The following NDRG1 variants were observed in gnomAD, a reference collection of about 807,000 sequenced individuals.
NDRG1 encodes N-myc downstream regulated 1.
In NDRG1, 32 loss-of-function variants were observed where a neutral mutation model predicts 56.9. The observed-to-expected ratio is 0.56, with a 90% CI of 0.42 to 0.76. The LOEUF is 0.76. Among genes scored for constraint, NDRG1 ranks in the 30% least tolerant of loss-of-function variants. The pLI is 0.00. For missense variants in NDRG1, 507 were observed against 545.7 expected, an observed-to-expected ratio of 0.93 and a Z score of 0.71; for synonymous variants, 211 against 204.1, an observed-to-expected ratio of 1.03 and a Z score of -0.29.
At chr8:133,240,441 T>C (rs909597701) in intron 15 of NDRG1, 2 of 152,202 alleles carry the variant, frequency 1.3e-5, no homozygotes, top group Admixed American at 6.5e-5. Context: ...TCAGAAAGAA[T>C]TGGGGTCAAT....
chr8:133,254,445 T>C (rs1856254972), intron 9 of NDRG1, 94 bp downstream of exon 9: 1 of 1,353,214 alleles, frequency 7.4e-7, no homozygotes, highest in Non-Finnish European at 1.0e-6. Flanking sequence ...TGATTGTGTC[T>C]TGTTCTCTCC....
chr8:133,270,537 T>A (rs1182672216), intron 3 of NDRG1, among the ~76,000 whole-genome samples: 1 of 151,622 alleles, frequency 6.6e-6, no homozygotes, highest in Non-Finnish European at 1.5e-5. Flanking sequence ...TCAAGGAGAG[T>A]TTTTTAAAAA....
intron 7 of NDRG1, among the ~76,000 whole-genome samples, chr8:133,257,787 CT>C (rs902814001): frequency 2.0e-5 from 3 of 152,022 alleles, no homozygotes; most frequent in African/African-American, 7.2e-5. Flanking sequence ...GCATTCCTTT[CT>C]TTTTTTTGTA....
At chr8:133,263,930 A>G (rs887021762) in intron 4 of NDRG1, among the ~76,000 whole-genome samples, 7 of 151,156 alleles carry the variant, frequency 4.6e-5, no homozygotes, top group Non-Finnish European at 1.0e-4. Context: ...AAAAAAAAAA[A>G]AAGAAAGAAA....
intron 3 of NDRG1, among the ~76,000 whole-genome samples, chr8:133,271,466 T>C (rs1278796581): frequency 6.6e-6 from 1 of 152,140 alleles, no homozygotes; most frequent in Non-Finnish European, 1.5e-5. Context: ...GTTCATCGCC[T>C]ATGCCCATGG....
chr8:133,282,596 C>A (rs554303813), intron 2 of NDRG1, among the ~76,000 whole-genome samples: 3 of 152,294 alleles, frequency 2.0e-5, no homozygotes, highest in Admixed American at 6.5e-5. Context: ...ATGTCACAGA[C>A]CCAGAGTTTA....
At chr8:133,254,813 C>T (rs1856281763) in intron 8 of NDRG1, 2 of 587,288 alleles carry the variant, frequency 3.4e-6, no homozygotes, top group Non-Finnish European at 6.2e-6. Flanking sequence ...TATCCAGTTC[C>T]TTATTTTCAG....
At position 133,246,645 on chromosome 8, in the gene NDRG1, A is replaced by G. The variant is rs2130685069; in HGVS notation, c.826T>C (p.Leu276=). 6.2e-7 allele frequency: 1 copy of G among 1,614,162 alleles called. No homozygotes were observed. The highest frequency in any genetic ancestry group is 1.7e-5 in the Admixed American group (1 of 60,026). The part of the protein sequence containing the change: ...VDAVVECNSK[L]DPTKTTLLKM... The stretch of plus-strand genomic sequence containing the variant: ...AGGAGAGTGGTCTTTGTTGGGTCCA[A>G]TTTTGAGTTGCACTCCACCTGCACA... Residue 276 remains leucine, a synonymous_variant, in exon 13 of 16, where the codon TTG becomes CTG. Transcript: ENST00000323851.
At position 133,290,326 on chromosome 8, in the gene NDRG1, C is replaced by A. The variant is rs75466834; in HGVS notation, c.-18-5997G>T. On this transcript the variant is annotated intron_variant, in intron 1 of 15. Transcript: ENST00000323851. ...AACAATGTAACCCTACACAGACACA[C>A]CACAAAAACAGCACCAGGAACAGTA... is the stretch of plus-strand genomic sequence containing the variant. Among the ~76,000 whole-genome samples, 493 of 152,276 alleles carry A rather than the reference C, an allele frequency of 3.2e-3. 18 individuals are homozygous for A. The East Asian group carries it at 0.079, about 24-fold the overall frequency.
chr8:133,254,715 C>T (rs1307698136), intron 8 of NDRG1, 120 bp from the exon 9 acceptor site: 1 of 967,052 alleles, frequency 1.0e-6, no homozygotes, highest in Non-Finnish European at 1.6e-6. Context: ...TACATGCAGG[C>T]CTCAAGGACA....
chr8:133,254,342 A>G lies in NDRG1; in HGVS notation c.594+197T>C, dbSNP rs2233334. Among the ~76,000 whole-genome samples the G allele has an allele frequency of 0.34, 52,075 of 152,178 alleles. 9,344 individuals carry two copies. Among genetic ancestry groups the G allele is most frequent in the African/African-American group, 0.44 (18,255 of 41,502 alleles). On this transcript the variant is annotated intron_variant, in intron 9 of 15. Coordinates refer to ENST00000323851, the MANE Select transcript of NDRG1 (RefSeq NM_006096.4). Reference sequence around the variant, plus strand: ...TGTACTTCAATCAGCTGTTTTTAAAAGACACATAAAAAAGAGAGAGAATGA... The same window carrying G: ...TGTACTTCAATCAGCTGTTTTTAAAGGACACATAAAAAAGAGAGAGAATGA...
chr8:133,254,531 C>T lies in NDRG1; in HGVS notation c.594+8G>A. On this transcript the variant is annotated splice_region_variant and intron_variant, in intron 9 of 15. Coordinates refer to ENST00000323851, the MANE Select transcript of NDRG1 (RefSeq NM_006096.4). ...GGAACAACAGATTTGCCAGACCACG[C>T]AACTCACCTTCCCAAAAAGGTGGGA... is the stretch of plus-strand genomic sequence containing the variant. 6.2e-7 allele frequency: 1 copy of T among 1,614,018 alleles called. No individual in the cohort carries two copies. Among genetic ancestry groups the T allele is most frequent in the Non-Finnish European group, 8.5e-7 (1 of 1,179,938 alleles).
At chr8:133,267,301 G>A (rs571751203) in intron 3 of NDRG1, among the ~76,000 whole-genome samples, 5 of 152,330 alleles carry the variant, frequency 3.3e-5, no homozygotes, top group Middle Eastern at 3.4e-3. Context: ...GAATGGCACA[G>A]GGACGCAGCA....
At chr8:133,290,091 C>T (rs2977512) in intron 1 of NDRG1, among the ~76,000 whole-genome samples, 54,485 of 151,988 alleles carry the variant, frequency 0.36, 10,113 homozygotes, top group East Asian at 0.48. Flanking sequence ...CCAAGGCCCC[C>T]ACTTCTGCCA....
chr8:133,254,604 G>A lies in NDRG1; in HGVS notation c.538-9C>T, dbSNP rs978424192. Reference sequence around the variant, plus strand: ...TGGGTCCATCCTGAGATCTGGAAAGGAGTAAAGTGGGTGGATGAGAAACCA... The same window carrying A: ...TGGGTCCATCCTGAGATCTGGAAAGAAGTAAAGTGGGTGGATGAGAAACCA... On this transcript the variant is annotated splice_polypyrimidine_tract_variant and intron_variant, in intron 8 of 15. Coordinates refer to ENST00000323851, the MANE Select transcript of NDRG1 (RefSeq NM_006096.4). 1 of 1,613,862 alleles carries A rather than the reference G, an allele frequency of 6.2e-7. No homozygotes were observed.
chr8:133,273,436 T>C (rs1328029317), intron 3 of NDRG1, among the ~76,000 whole-genome samples: 2 of 152,098 alleles, frequency 1.3e-5, no homozygotes, highest in Non-Finnish European at 2.9e-5. Flanking sequence ...ACTGGGCAAA[T>C]CCCTCCAGAT....
chr8:133,245,168 A>C (rs1187460507), intron 13 of NDRG1, among the ~76,000 whole-genome samples: 1 of 152,132 alleles, frequency 6.6e-6, no homozygotes, highest in Non-Finnish European at 1.5e-5. Flanking sequence ...AGGATGCCCG[A>C]ATTTTTCCTC....
intron 9 of NDRG1, among the ~76,000 whole-genome samples, chr8:133,253,246 C>T (rs1469528730): frequency 6.6e-6 from 1 of 152,198 alleles, no homozygotes; most frequent in East Asian, 1.9e-4. Context: ...AGGGGCTTGG[C>T]TCAATCCCCT....
chr8:133,270,439 C>T (rs1362662728), intron 3 of NDRG1, among the ~76,000 whole-genome samples: 1 of 152,174 alleles, frequency 6.6e-6, no homozygotes, highest in African/African-American at 2.4e-5. Context: ...TAAAGTGGTC[C>T]CCTTCCTTAC....
Sources: allele counts gnomAD v4.1 joint callset (sites outside exome capture counted in the v4.1 genomes callset), GRCh38; gene constraint gnomAD v4.1.1; transcripts MANE v1.5; gene names NCBI Gene and HGNC (gene_info 2026-07-23, HGNC 2026-07-21).